ABCD3: variants seen among roughly 807,000 people sequenced by gnomAD.
The protein encoded by ABCD3 is ATP-binding cassette sub-family D member 3.
ABCD3 carries 41 observed loss-of-function variants against 105.5 expected under a neutral mutation model. The observed-to-expected ratio is 0.39, with a 90% CI of 0.30 to 0.50. ABCD3 has a LOEUF of 0.50. Among genes scored for constraint, ABCD3 ranks in the 20% least tolerant of loss-of-function variants. The pLI is 0.84. For missense variants in ABCD3, 622 were observed against 806.3 expected (o/e 0.77, Z 2.77); for synonymous variants, 258 against 269.0 (o/e 0.96, Z 0.40).
At chr1:94,506,764 C>A (rs1650374241) in intron 21 of ABCD3, 122 bp downstream of exon 21, 1 of 669,254 alleles carries the variant, frequency 1.5e-6, no homozygotes, top group Non-Finnish European at 2.6e-6. Flanking sequence ...CAAAAGATTT[C>A]TTGTTTTAAT....
At chr1:94,450,570 A>T (rs1660542398) in intron 1 of ABCD3, among the ~76,000 whole-genome samples, 1 of 152,212 alleles carries the variant, frequency 6.6e-6, no homozygotes, top group South Asian at 2.1e-4. Flanking sequence ...CCATCCCTTT[A>T]TTTCCCGTAA....
chr1:94,468,125 A>G, intron 4 of ABCD3, 118 bp downstream of exon 4: 1 of 794,204 alleles, frequency 1.3e-6, no homozygotes, highest in Non-Finnish European at 2.1e-6. Flanking sequence ...ACCCAAGTCA[A>G]ATTATGTGTT....
intron 10 of ABCD3, among the ~76,000 whole-genome samples, chr1:94,486,475 T>A (rs1158842395): frequency 6.6e-6 from 1 of 152,224 alleles, no homozygotes; most frequent in Admixed American, 6.5e-5. Flanking sequence ...TGGTAGTCAT[T>A]GAATAAATGT....
At chr1:94,472,862 C>T (rs1648554223) in intron 4 of ABCD3, among the ~76,000 whole-genome samples, 1 of 152,110 alleles carries the variant, frequency 6.6e-6, no homozygotes, top group African/African-American at 2.4e-5. Context: ...TTAAGTATTA[C>T]TTGAAGTAAG....
At chr1:94,493,284 A>G (rs1398850998) in intron 16 of ABCD3, among the ~76,000 whole-genome samples, 4 of 152,056 alleles carry the variant, frequency 2.6e-5, no homozygotes. Flanking sequence ...TGGGCGAAGG[A>G]CATGAACAGA....
intron 1 of ABCD3, among the ~76,000 whole-genome samples, chr1:94,433,769 C>G (rs1659786194): frequency 6.6e-6 from 1 of 152,072 alleles, no homozygotes. Context: ...GCCTCAGCCT[C>G]CCCTGTAGCT....
chr1:94,470,138 A>C (rs1367205603), intron 4 of ABCD3, among the ~76,000 whole-genome samples: 1 of 152,146 alleles, frequency 6.6e-6, no homozygotes, highest in Non-Finnish European at 1.5e-5. Flanking sequence ...GTAAGGATGA[A>C]GGGAGATAAA....
chr1:94,389,730 A>G, the ABCD3 span, among the ~76,000 whole-genome samples: 1 of 152,148 alleles, frequency 6.6e-6, no homozygotes, highest in African/African-American at 2.4e-5. Flanking sequence ...CCCCTGGGTT[A>G]GGGTGTCCCC....
At chr1:94,489,638 T>C (rs1649435078) in intron 13 of ABCD3, 87 bp from the exon 14 acceptor site, 1 of 908,318 alleles carries the variant, frequency 1.1e-6, no homozygotes, top group Non-Finnish European at 1.8e-6. Flanking sequence ...TACTAAATTA[T>C]AATTTTAGGA....
chr1:94,459,696 C>G (rs1253099355), intron 2 of ABCD3, among the ~76,000 whole-genome samples: 1 of 152,062 alleles, frequency 6.6e-6, no homozygotes, highest in Non-Finnish European at 1.5e-5. Flanking sequence ...GTGTGGCTAT[C>G]ACCACTACCT....
At chr1:94,416,602 T>G (rs913974112), upstream of ABCD3, among the ~76,000 whole-genome samples, 2 of 152,220 alleles carry the variant, frequency 1.3e-5, no homozygotes, top group East Asian at 3.8e-4. Context: ...CTGGCCCTCC[T>G]GTCTCTCAGT....
In ABCD3 at chr1:94,517,216, C is replaced by A; in HGVS notation, c.*87C>A. Reference sequence around the variant, plus strand: ...AAGTACATTGTAAAATAAAGTTGAGCTTAGTTTTTTTTAAAAAAAAAAACA... The same window carrying A: ...AAGTACATTGTAAAATAAAGTTGAGATTAGTTTTTTTTAAAAAAAAAAACA... On this transcript the variant is annotated 3_prime_UTR_variant, in exon 23 of 23. Transcript: ENST00000370214. 3 of 1,030,882 alleles carry A rather than the reference C, an allele frequency of 2.9e-6. No individual in the cohort carries two copies. Among genetic ancestry groups the A allele is most frequent in the East Asian group, 2.4e-5 (1 of 40,976 alleles). 63.9% of individuals were successfully genotyped at this position (1,030,882 alleles called of 1,614,324 possible).
intron 20 of ABCD3, among the ~76,000 whole-genome samples, chr1:94,503,481 CT>C (rs753786102): frequency 6.6e-6 from 1 of 152,080 alleles, no homozygotes; most frequent in Non-Finnish European, 1.5e-5. Context: ...TTATCACATC[CT>C]TTTCCTTCAG....
rs527684035 is a variant in ABCD3, at chr1:94,418,421, AGCCGCCGCC to A, written c.-43_-35del. 1.0e-4 allele frequency: 141 copies of A among 1,405,590 alleles called. No homozygotes were observed. Among genetic ancestry groups the A allele is most frequent in the African/African-American group, 2.9e-4 (20 of 70,052 alleles). The allele number at this position is 1,405,590 out of a possible 1,614,324, so 87.1% of individuals were successfully genotyped here. On this transcript the variant is annotated 5_prime_UTR_variant, in exon 1 of 23. Transcript: ENST00000370214. ...TCCCCCGCGCTGCGTGCAGTAAGGT[AGCCGCCGCC>A]GCCGCCGCCGCCGCGTCCCCTCGCC...
intron 20 of ABCD3, among the ~76,000 whole-genome samples, chr1:94,506,066 C>T (rs1245584389): frequency 6.6e-6 from 1 of 151,986 alleles, no homozygotes; most frequent in East Asian, 1.9e-4. Flanking sequence ...TGAGCACAAC[C>T]AGAACTGACA....
the ABCD3 span, among the ~76,000 whole-genome samples, chr1:94,386,094 G>T: frequency 6.6e-6 from 1 of 151,218 alleles, no homozygotes; most frequent in Non-Finnish European, 1.5e-5. Flanking sequence ...TGTTTTATAT[G>T]TAAGTTTCAA....
chr1:94,403,770 A>C, the ABCD3 span, among the ~76,000 whole-genome samples: 1 of 152,176 alleles, frequency 6.6e-6, no homozygotes, highest in Admixed American at 6.5e-5. Context: ...ATGATTTTTT[A>C]ATCAACTTTT....
At chr1:94,449,099 G>A (rs1017271852) in intron 1 of ABCD3, among the ~76,000 whole-genome samples, 2 of 152,190 alleles carry the variant, frequency 1.3e-5, no homozygotes, top group Non-Finnish European at 2.9e-5. Flanking sequence ...TGGGGTAGAG[G>A]TTATGCTTGT....
intron 16 of ABCD3, among the ~76,000 whole-genome samples, chr1:94,495,911 T>G (rs927997860): frequency 6.6e-6 from 1 of 152,200 alleles, no homozygotes; most frequent in African/African-American, 2.4e-5. Context: ...TATATTCAAT[T>G]TTATGTGATA....
Sources: allele counts gnomAD v4.1 joint callset (sites outside exome capture counted in the v4.1 genomes callset), GRCh38; gene constraint gnomAD v4.1.1; transcripts MANE v1.5; gene names NCBI Gene and HGNC (gene_info 2026-07-23, HGNC 2026-07-21).